Variants in PLD5 observed in about 807,000 individuals in gnomAD.
PLD5 encodes the protein inactive phospholipase D5.
PLD5 carries 36 observed loss-of-function variants against 61.1 expected under a neutral mutation model. The ratio of observed to expected loss-of-function variants is 0.59; its 90% CI spans 0.45 to 0.78. The LOEUF is 0.78. Ranked by LOEUF, PLD5 falls within the 30% of genes least tolerant of loss-of-function variation. PLD5 has a pLI of 0.00. For missense variants in PLD5, 515 were observed against 644.4 expected, an observed-to-expected ratio of 0.80 and a Z score of 2.17; for synonymous variants, 243 against 242.8, an observed-to-expected ratio of 1.00 and a Z score of -0.01.
chr1:242,212,936 C>T (rs765321426), intron 5 of PLD5, among the ~76,000 whole-genome samples: 36 of 152,128 alleles, frequency 2.4e-4, no homozygotes, highest in Non-Finnish European at 4.7e-4. Flanking sequence ...ACAGAAAGCC[C>T]ATGAATTAGA....
intron 1 of PLD5, among the ~76,000 whole-genome samples, chr1:242,426,804 G>C (rs1665452611): frequency 6.6e-6 from 1 of 152,140 alleles, no homozygotes; most frequent in Non-Finnish European, 1.5e-5. Context: ...CTTTTTCTTG[G>C]GAACATTGTT....
At chr1:242,144,970 C>T (rs1172366245) in intron 5 of PLD5, among the ~76,000 whole-genome samples, 3 of 152,092 alleles carry the variant, frequency 2.0e-5, no homozygotes, top group Non-Finnish European at 2.9e-5. Context: ...AGAATTTGGG[C>T]TCTTACTGTT....
chr1:242,101,853 T>C (rs1660720669), intron 8 of PLD5, among the ~76,000 whole-genome samples: 1 of 152,224 alleles, frequency 6.6e-6, no homozygotes, highest in Non-Finnish European at 1.5e-5. Context: ...TATTTTGATT[T>C]TTTGTAAAAC....
At chr1:242,476,325 A>G (rs573793161) in intron 1 of PLD5, among the ~76,000 whole-genome samples, 1 of 152,216 alleles carries the variant, frequency 6.6e-6, no homozygotes, top group Non-Finnish European at 1.5e-5. Context: ...ATTGCACTCC[A>G]GCCTGGGCGA....
chr1:242,416,224 A>C (rs1360470827), intron 1 of PLD5, among the ~76,000 whole-genome samples: 1 of 152,104 alleles, frequency 6.6e-6, no homozygotes. Context: ...AAGAAAATAG[A>C]AGATAATCAG....
intron 1 of PLD5, among the ~76,000 whole-genome samples, chr1:242,437,302 C>T (rs1354516272): frequency 6.6e-6 from 1 of 152,080 alleles, no homozygotes; most frequent in Admixed American, 6.5e-5. Flanking sequence ...ACAAAGTGAC[C>T]AACAGACTTT....
intron 1 of PLD5, among the ~76,000 whole-genome samples, chr1:242,384,584 G>C (rs904063195): frequency 3.3e-5 from 5 of 152,106 alleles, no homozygotes; most frequent in Non-Finnish European, 7.4e-5. Context: ...ATGACGCTTC[G>C]TCTTATTCAT....
intron 2 of PLD5, among the ~76,000 whole-genome samples, chr1:242,295,192 C>T (rs577140250): frequency 6.6e-6 from 1 of 152,068 alleles, no homozygotes; most frequent in Non-Finnish European, 1.5e-5. Context: ...CATGGGTATA[C>T]CTCATAATGC....
At chr1:242,234,475 G>T (rs1671511466) in intron 4 of PLD5, among the ~76,000 whole-genome samples, 1 of 152,122 alleles carries the variant, frequency 6.6e-6, no homozygotes, top group Admixed American at 6.6e-5. Context: ...TATGAGACCA[G>T]GACAAGGTGA....
intron 7 of PLD5, among the ~76,000 whole-genome samples, chr1:242,112,867 G>A (rs967037120): frequency 2.0e-5 from 3 of 152,188 alleles, no homozygotes; most frequent in Non-Finnish European, 4.4e-5. Flanking sequence ...CAGCACGAAA[G>A]CAAAAGTGGG....
At chr1:242,287,186 C>T (rs1278838011) in intron 3 of PLD5, among the ~76,000 whole-genome samples, 1 of 152,110 alleles carries the variant, frequency 6.6e-6, no homozygotes, top group Non-Finnish European at 1.5e-5. Flanking sequence ...CCAGACGTTC[C>T]AGTCACCCCA....
At chr1:242,206,209 A>G (rs536442663) in intron 5 of PLD5, among the ~76,000 whole-genome samples, 2 of 152,284 alleles carry the variant, frequency 1.3e-5, no homozygotes, top group East Asian at 1.9e-4. Context: ...TCTTCCTGAC[A>G]TCCTTTGTTT....
intron 4 of PLD5, among the ~76,000 whole-genome samples, chr1:242,234,046 C>G (rs1319264284): frequency 6.6e-6 from 1 of 152,188 alleles, no homozygotes; most frequent in Non-Finnish European, 1.5e-5. Flanking sequence ...ACAGGACTAA[C>G]ATGACTTAAA....
intron 5 of PLD5, among the ~76,000 whole-genome samples, chr1:242,139,420 A>C (rs1574376374): frequency 6.6e-6 from 1 of 151,928 alleles, no homozygotes; most frequent in Admixed American, 6.6e-5. Context: ...TTCACACCCC[A>C]TGGCAGCGTC....
At chr1:242,488,862 C>T (rs962992362) in intron 1 of PLD5, among the ~76,000 whole-genome samples, 1 of 152,094 alleles carries the variant, frequency 6.6e-6, no homozygotes, top group East Asian at 1.9e-4. Context: ...ACTTTCTGTA[C>T]TTTCTGTTCA....
intron 5 of PLD5, among the ~76,000 whole-genome samples, chr1:242,181,692 C>A (rs916953043): frequency 6.6e-5 from 10 of 151,750 alleles, no homozygotes; most frequent in Admixed American, 5.9e-4. Context: ...GAGACAGAGT[C>A]TCACTCTGTC....
intron 2 of PLD5, among the ~76,000 whole-genome samples, chr1:242,293,778 C>G (rs188523613): frequency 2.0e-5 from 3 of 152,256 alleles, no homozygotes; most frequent in African/African-American, 4.8e-5. Flanking sequence ...AAATAATGAT[C>G]CTATTTACCT....
At chr1:242,364,226 C>T (rs1450209506) in intron 1 of PLD5, among the ~76,000 whole-genome samples, 1 of 151,992 alleles carries the variant, frequency 6.6e-6, no homozygotes, top group Non-Finnish European at 1.5e-5. Flanking sequence ...ACCCCTTTCT[C>T]ATTAGTGGAT....
chr1:242,334,089 C>G (rs2149204938), intron 2 of PLD5, among the ~76,000 whole-genome samples: 1 of 151,950 alleles, frequency 6.6e-6, no homozygotes, highest in East Asian at 1.9e-4. Context: ...ATACTGTTCT[C>G]CATAGTGACT....
Sources: allele counts gnomAD v4.1 joint callset (sites outside exome capture counted in the v4.1 genomes callset), GRCh38; gene constraint gnomAD v4.1.1; transcripts MANE v1.5; gene names NCBI Gene and HGNC (gene_info 2026-07-23, HGNC 2026-07-21).